EPM2A: variants seen among roughly 807,000 people sequenced by gnomAD.
EPM2A encodes laforin.
EPM2A carries 21 observed loss-of-function variants against 26.5 expected under a neutral mutation model. That is an observed-to-expected ratio of 0.79 (90% confidence interval 0.56 to 1.14). The LOEUF (loss-of-function observed/expected upper bound fraction) is 1.14, where lower values mean the gene tolerates loss of function less well. EPM2A is among the 50% of genes most tolerant of loss of function. The probability of loss-of-function intolerance (pLI) is 0.00; values close to 1 mark genes in which losing one functional copy is unlikely to be tolerated. For synonymous variants in EPM2A, 217 were observed against 177.6 expected, an observed-to-expected ratio of 1.22 and a Z score of -1.76; for missense variants, 458 against 440.8, an observed-to-expected ratio of 1.04 and a Z score of -0.35.
chr6:145,386,462 A>C (rs1326714685), intron 4 of EPM2A, among the ~76,000 whole-genome samples: 1 of 152,146 alleles, frequency 6.6e-6, no homozygotes, highest in East Asian at 1.9e-4. Flanking sequence ...AAATAGTTCC[A>C]AGAGCTTTGA....
chr6:145,735,532 G>T, upstream of EPM2A: 1 of 1,167,888 alleles, frequency 8.6e-7, no homozygotes, highest in South Asian at 4.2e-5. Context: ...CCCGGGCCCG[G>T]AGTCCCCGCG....
At chr6:145,531,953 C>T (rs1264898526) in intron 2 of EPM2A, among the ~76,000 whole-genome samples, 2 of 152,190 alleles carry the variant, frequency 1.3e-5, no homozygotes, top group Non-Finnish European at 1.5e-5. Flanking sequence ...TTCCCAGCTT[C>T]TAACAATGCG....
At chr6:145,534,905 A>C (rs1214816447) in intron 2 of EPM2A, among the ~76,000 whole-genome samples, 1 of 152,134 alleles carries the variant, frequency 6.6e-6, no homozygotes, top group African/African-American at 2.4e-5. Context: ...GTACCACCTC[A>C]CCTCTAGGTC....
intron 2 of EPM2A, among the ~76,000 whole-genome samples, chr6:145,507,777 G>A (rs539859057): frequency 6.6e-6 from 1 of 152,282 alleles, no homozygotes; most frequent in South Asian, 2.1e-4. Context: ...GCTAGAATTA[G>A]GCTCTCTCTC....
At chr6:145,673,505 G>A (rs1226927410) in intron 2 of EPM2A, among the ~76,000 whole-genome samples, 3 of 152,184 alleles carry the variant, frequency 2.0e-5, no homozygotes, top group South Asian at 4.1e-4. Context: ...GGGGTAGGGG[G>A]ATTTCCCTTT....
chr6:145,456,957 G>T (rs1779269640), intron 4 of EPM2A, among the ~76,000 whole-genome samples: 1 of 151,980 alleles, frequency 6.6e-6, no homozygotes, highest in South Asian at 2.1e-4. Context: ...GGTATAAAAT[G>T]GAAATATTAA....
chr6:145,655,186 G>GAA (rs5880651), intron 2 of EPM2A, among the ~76,000 whole-genome samples: 10 of 140,750 alleles, frequency 7.1e-5, no homozygotes, highest in South Asian at 2.3e-4. Flanking sequence ...ATTTTGCTGT[G>GAA]AAAAAAAAAA....
At position 145,625,886 on chromosome 6, in the gene EPM2A, C is replaced by A; in HGVS notation, c.*1530G>T. On this transcript the variant is annotated 3_prime_UTR_variant, in exon 4 of 4. Transcript: ENST00000367519. Reference sequence around the variant, plus strand: ...TGTGTTTGTGGAAGAAAGGAAGGTGCAGAAAAATAAATACGCATCATAGTT... The same window carrying A: ...TGTGTTTGTGGAAGAAAGGAAGGTGAAGAAAAATAAATACGCATCATAGTT... The A allele has an allele frequency of 3.4e-6, 5 of 1,475,732 alleles. No homozygotes were observed. The highest frequency in any genetic ancestry group is 4.5e-6 in the Non-Finnish European group (5 of 1,112,166). The allele number at this position is 1,475,732 out of a possible 1,614,324, so 91.4% of individuals were successfully genotyped here. A position where few individuals can be genotyped will look rare whatever the true frequency, so the allele number is the denominator to read the frequency against.
At chr6:145,631,625 T>C (rs959118753) in intron 3 of EPM2A, 9 of 152,160 alleles carry the variant, frequency 5.9e-5, no homozygotes, top group African/African-American at 2.2e-4. Context: ...AACCTGTGGT[T>C]CACACCAGCT....
At chr6:145,506,839 T>C (rs1351947787) in intron 2 of EPM2A, among the ~76,000 whole-genome samples, 1 of 152,204 alleles carries the variant, frequency 6.6e-6, no homozygotes, top group African/African-American at 2.4e-5. Flanking sequence ...TGTTTCAGAC[T>C]GGCCCACTCT....
At chr6:145,570,898 C>T (rs945389969) in intron 2 of EPM2A, among the ~76,000 whole-genome samples, 20 of 152,274 alleles carry the variant, frequency 1.3e-4, no homozygotes, top group Middle Eastern at 3.4e-3. Context: ...GGGTCAATCA[C>T]CCCAGCCAAC....
intron 2 of EPM2A, chr6:145,635,915 G>T (rs1185209907): frequency 4.8e-6 from 1 of 210,258 alleles, no homozygotes; most frequent in Non-Finnish European, 9.7e-6. Context: ...AAAAGTCTAT[G>T]CAAATATTTC....
At chr6:145,409,170 T>C (rs1171235959) in intron 4 of EPM2A, among the ~76,000 whole-genome samples, 2 of 152,070 alleles carry the variant, frequency 1.3e-5, no homozygotes, top group Non-Finnish European at 2.9e-5. Flanking sequence ...GATAGGAAAA[T>C]AAATTGATGC....
At chr6:145,455,570 C>T (rs1267961095) in intron 4 of EPM2A, among the ~76,000 whole-genome samples, 1 of 152,134 alleles carries the variant, frequency 6.6e-6, no homozygotes, top group African/African-American at 2.4e-5. Context: ...GTTGGCCAGG[C>T]TGGTCTCGAA....
At chr6:145,705,636 G>C in intron 1 of EPM2A, 1 of 447,574 alleles carries the variant, frequency 2.2e-6, no homozygotes. Flanking sequence ...AGGGGCTCTT[G>C]TTCACATTGT....
In EPM2A at chr6:145,696,775, ATGTGTGTGTGTGTGTGTG is replaced by A. The variant is rs35621582; in HGVS notation, c.302-10497_302-10480del. Reference sequence around the variant, plus strand: ...TCAAACATCTGGCACAGGTAGGGGTATGTGTGTGTGTGTGTGTGTGTGTGTGTGTGTGTGTGTGTGTGT... The same window carrying A: ...TCAAACATCTGGCACAGGTAGGGGTATGTGTGTGTGTGTGTGTGTGTGTGT... On this transcript the variant is annotated intron_variant, in intron 1 of 3. Coordinates refer to ENST00000367519, the MANE Select transcript of EPM2A (RefSeq NM_005670.4). 3.9e-3 allele frequency among the ~76,000 whole-genome samples: 528 copies of A among 135,304 alleles called. 4 individuals are homozygous for A. The highest frequency in any genetic ancestry group is 0.01 in the African/African-American group (374 of 36,642). 88.8% of individuals were successfully genotyped at this position (135,304 alleles called of 152,430 possible).
chr6:145,492,081 T>C (rs1344590241), intron 4 of EPM2A: 1 of 262,194 alleles, frequency 3.8e-6, no homozygotes, highest in Non-Finnish European at 7.4e-6. Flanking sequence ...TCATCCTCTC[T>C]TCAACCTCCA....
chr6:145,435,189 A>T (rs1778973911), intron 4 of EPM2A, among the ~76,000 whole-genome samples: 1 of 152,162 alleles, frequency 6.6e-6, no homozygotes, highest in Admixed American at 6.5e-5. Context: ...ATAGTCAATC[A>T]TATATGGAAG....
At chr6:145,558,325 C>T (rs1042394206) in intron 2 of EPM2A, among the ~76,000 whole-genome samples, 4 of 151,880 alleles carry the variant, frequency 2.6e-5, no homozygotes, top group African/African-American at 9.7e-5. Context: ...TACCCAATCT[C>T]GGGTATGTGT....
Sources: gnomAD v4.1 joint callset for allele counts (sites outside exome capture counted in the v4.1 genomes callset) on GRCh38, gnomAD v4.1.1 for gene constraint, MANE v1.5 for transcripts, NCBI Gene and HGNC (gene_info 2026-07-23, HGNC 2026-07-21) for gene names.